Variants in PSTK observed in about 807,000 individuals in gnomAD.
PSTK encodes phosphoseryl-tRNA kinase, also known as L-seryl-tRNA(Sec) kinase.
Under a neutral mutation model 38.6 loss-of-function variants are expected in PSTK, and 26 were observed. The ratio of observed to expected loss-of-function variants is 0.67; its 90% CI spans 0.49 to 0.94. PSTK has a LOEUF of 0.94. Among genes scored for constraint, PSTK ranks in the 40% least tolerant of loss-of-function variants. PSTK has a pLI of 0.00. For missense variants in PSTK, 445 were observed against 436.3 expected (o/e 1.02, Z -0.18); for synonymous variants, 181 against 161.7 (o/e 1.12, Z -0.91).
intron 5 of PSTK, among the ~76,000 whole-genome samples, 198 bp from the exon 6 acceptor site, chr10:122,989,976 T>G (rs1031642642): frequency 1.3e-5 from 2 of 152,252 alleles, no homozygotes; most frequent in African/African-American, 4.8e-5. Context: ...CCTAACAAGT[T>G]ATTTAAATTC....
intron 5 of PSTK, among the ~76,000 whole-genome samples, chr10:122,989,187 G>A (rs1373408036): frequency 7.5e-6 from 1 of 132,754 alleles, no homozygotes; most frequent in Admixed American, 7.6e-5. Context: ...ATGGGGGGCG[G>A]GGGGTGGGCG....
At chr10:122,981,631 A>G (rs1848959416) in intron 1 of PSTK, among the ~76,000 whole-genome samples, 1 of 152,266 alleles carries the variant, frequency 6.6e-6, no homozygotes, top group South Asian at 2.1e-4. Flanking sequence ...TATATATACA[A>G]AAATACAGTA....
At position 122,983,358 on chromosome 10, in the gene PSTK, C is replaced by G; in HGVS notation, c.595C>G (p.Pro199Ala). Residue 199 changes from proline (P) to alanine (A), a missense_variant, in exon 3 of 6, where the codon CCT becomes GCT. By Grantham distance (27) the Pro-to-Ala change is conservative (BLOSUM62 -1). Coordinates refer to ENST00000406217, the MANE Select transcript of PSTK (RefSeq NM_001363531.2). Reference protein sequence around the residue: ...RNGQRPQALPPETIHLMGRKL... With the variant: ...RNGQRPQALPAETIHLMGRKL... ...TGGCCAGAGGCCACAGGCACTGCCT[C>G]CTGAGACCATCCACCTGATGGGAAG... is the stretch of plus-strand genomic sequence containing the variant. 6.2e-7 allele frequency: 1 copy of G among 1,614,216 alleles called. No homozygotes were observed. The highest frequency in any genetic ancestry group is 2.2e-5 in the East Asian group (1 of 44,884).
At position 122,983,254 on chromosome 10, in the gene PSTK, A is replaced by G. The variant is rs889654314; in HGVS notation, c.509-18A>G. The G allele has an allele frequency of 2.5e-6, 4 of 1,583,748 alleles. No individual in the cohort carries two copies. Among genetic ancestry groups the G allele is most frequent in the Non-Finnish European group, 3.4e-6 (4 of 1,163,384 alleles). ...AAAAGAGTATACCAGTAATTCTATC[A>G]TTTTAAACTGTTTTCAGATTCGTTG... On this transcript the variant is annotated intron_variant, in intron 2 of 5. Transcript: ENST00000406217.
In PSTK at chr10:122,982,853, G is replaced by A; in HGVS notation, c.337G>A (p.Asp113Asn). The A allele has an allele frequency of 6.2e-7, 1 of 1,614,228 alleles. No individual in the cohort carries two copies. Among genetic ancestry groups the A allele is most frequent in the East Asian group, 2.2e-5 (1 of 44,884 alleles). Residue 113 changes from aspartate to asparagine, a missense_variant, in exon 2 of 6, where the codon GAT becomes AAT. Asp to Asn is a conservative substitution (Grantham distance 23). Coordinates refer to ENST00000406217, the MANE Select transcript of PSTK (RefSeq NM_001363531.2). ...CAACAGGACTGAAGCCATGTGGGAA[G>A]ATTTTATAACCTGCTTAAAGGATCA... ...PPNRTEAMWE[D>N]FITCLKDQDL...
Position 122,983,004 on chromosome 10 carries a change from T to C in PSTK, c.488T>C (p.Val163Ala). Residue 163 changes from valine to alanine, a missense_variant, in exon 2 of 6, where the codon GTC becomes GCC. By Grantham distance (64) the Val-to-Ala change is moderately conservative (BLOSUM62 0). Coordinates refer to ENST00000406217, the MANE Select transcript of PSTK (RefSeq NM_001363531.2). Reference sequence around the variant, plus strand: ...TATTATCAGAGTATGAGATATGAAGTCTACCAGCTGGCTCGGAAATGTAAT... The same window carrying C: ...TATTATCAGAGTATGAGATATGAAGCCTACCAGCTGGCTCGGAAATGTAAT... ...NFYYQSMRYE[V>A]YQLARKYSLG... 6.2e-7 allele frequency: 1 copy of C among 1,607,904 alleles called. No individual in the cohort carries two copies. The highest frequency in any genetic ancestry group is 1.1e-5 in the South Asian group (1 of 89,950).
chr10:122,989,021 C>G (rs1298900420), intron 5 of PSTK, among the ~76,000 whole-genome samples: 1 of 152,016 alleles, frequency 6.6e-6, no homozygotes, highest in African/African-American at 2.4e-5. Flanking sequence ...GAATGAAATG[C>G]TGATATGTGC....
intron 4 of PSTK, chr10:122,986,586 G>T (rs1047550120): frequency 1.7e-6 from 1 of 601,628 alleles, no homozygotes; most frequent in Non-Finnish European, 2.9e-6. Flanking sequence ...TGGTTTGTTG[G>T]TAGGAATGTT....
intron 5 of PSTK, among the ~76,000 whole-genome samples, chr10:122,988,368 CATACAG>C (rs1486820246): frequency 2.6e-5 from 4 of 151,832 alleles, no homozygotes; most frequent in Admixed American, 2.0e-4. Flanking sequence ...TATTTAAAAA[CATACAG>C]ATAGAGAGAG....
At chr10:122,984,875 T>C (rs1360089875) in intron 3 of PSTK, 1 of 152,190 alleles carries the variant, frequency 6.6e-6, no homozygotes, top group Non-Finnish European at 1.5e-5. Context: ...GGGTAGAAAC[T>C]ACTATCCCCA....
rs1848981488 is a variant in PSTK, at chr10:122,982,809, G to A, written c.293G>A (p.Cys98Tyr). Residue 98 changes from cysteine to tyrosine, a missense_variant, in exon 2 of 6, where the codon TGT (cysteine) becomes TAT (tyrosine). Physicochemically the swap from Cys to Tyr is radical, Grantham distance 194. Coordinates refer to ENST00000406217, the MANE Select transcript of PSTK (RefSeq NM_001363531.2). Reference protein sequence around the residue: ...EYFLMAVINGCQMSVPPNRTE... With the variant: ...EYFLMAVINGYQMSVPPNRTE... ...TTCTTGATGGCTGTCATTAATGGGT[G>A]TCAGATGTCTGTCCCACCCAACAGG... 4 of 1,614,042 alleles carry A rather than the reference G, an allele frequency of 2.5e-6. No individual in the cohort carries two copies. The highest frequency in any genetic ancestry group is 2.7e-5 in the African/African-American group (2 of 74,928).
intron 4 of PSTK, 70 bp from the exon 5 acceptor site, chr10:122,986,799 T>G: frequency 7.2e-6 from 7 of 969,394 alleles, no homozygotes; most frequent in Non-Finnish European, 1.1e-5. Context: ...CAAATACATG[T>G]GACCTATTCT....
intron 5 of PSTK, among the ~76,000 whole-genome samples, chr10:122,988,940 C>A (rs1328836608): frequency 6.6e-6 from 1 of 151,938 alleles, no homozygotes. Context: ...TGAAAATAAC[C>A]CACATGTCCG....
Position 122,990,168 on chromosome 10 carries a change from T to A in PSTK, c.878-6T>A. The A allele has an allele frequency of 6.6e-7, 1 of 1,509,896 alleles. No homozygotes were observed. Among genetic ancestry groups the A allele is most frequent in the Non-Finnish European group, 8.8e-7 (1 of 1,132,260 alleles). The allele number at this position is 1,509,896 out of a possible 1,614,324, so 93.5% of individuals were successfully genotyped here. ...CCAGTAATTTGAGAATATCTTTTTA[T>A]TTTAGATGAACAAGTGCTTCCTCAC... On this transcript the variant is annotated splice_polypyrimidine_tract_variant and splice_region_variant and intron_variant, in intron 5 of 5. Coordinates refer to ENST00000406217, the MANE Select transcript of PSTK (RefSeq NM_001363531.2).
intron 4 of PSTK, among the ~76,000 whole-genome samples, 192 bp from the exon 5 acceptor site, chr10:122,986,677 A>G (rs577074776): frequency 1.3e-5 from 2 of 152,378 alleles, no homozygotes; most frequent in East Asian, 1.9e-4. Flanking sequence ...ATTCACCAGC[A>G]TATCACCGCC....
chr10:122,985,309 G>T, intron 3 of PSTK: 1 of 152,316 alleles, frequency 6.6e-6, no homozygotes. Context: ...CTAAAGCAAA[G>T]AACATTAGTT....
chr10:122,985,075 C>T (rs1310087123), intron 3 of PSTK: 1 of 152,182 alleles, frequency 6.6e-6, no homozygotes, highest in Non-Finnish European at 1.5e-5. Context: ...TTTTTAGTGC[C>T]ACTCCCATAA....
At position 122,980,884 on chromosome 10, in the gene PSTK, G is replaced by A; in HGVS notation, c.216+189G>A. The A allele has an allele frequency of 1.1e-6, 1 of 921,104 alleles. No individual in the cohort carries two copies. The highest frequency in any genetic ancestry group is 1.3e-6 in the Non-Finnish European group (1 of 771,144). 57.1% of individuals were successfully genotyped at this position (921,104 alleles called of 1,614,324 possible). A position where few individuals can be genotyped will look rare whatever the true frequency, so the allele number is the denominator to read the frequency against. On this transcript the variant is annotated intron_variant, in intron 1 of 5. Transcript: ENST00000406217. This position sits in a 1 kb window ranked among gnomAD's most constrained non-coding sequence, Gnocchi z 4.3. ...ACTGCAGAGGGTGAATGCGTTGGCT[G>A]TAGAAAGTGGTTACAAAGCCAACTG...
Position 122,983,359 on chromosome 10 carries a change from C to G in PSTK, c.596C>G (p.Pro199Arg). 6.2e-6 allele frequency: 10 copies of G among 1,614,204 alleles called. No individual in the cohort carries two copies. The highest frequency in any genetic ancestry group is 8.5e-6 in the Non-Finnish European group (10 of 1,179,992). ...GGCCAGAGGCCACAGGCACTGCCTC[C>G]TGAGACCATCCACCTGATGGGAAGA... is the stretch of plus-strand genomic sequence containing the variant. ...RNGQRPQALP[P>R]ETIHLMGRKL... Residue 199 changes from proline to arginine, a missense_variant, in exon 3 of 6, where the codon CCT (proline) becomes CGT (arginine). Physicochemically the swap from Pro to Arg is moderately radical, Grantham distance 103. Coordinates refer to ENST00000406217, the MANE Select transcript of PSTK (RefSeq NM_001363531.2).
Sources: allele counts gnomAD v4.1 joint callset (sites outside exome capture counted in the v4.1 genomes callset), GRCh38; gene constraint gnomAD v4.1.1; non-coding constraint Gnocchi (gnomAD v3.1); transcripts MANE v1.5; gene names NCBI Gene and HGNC (gene_info 2026-07-23, HGNC 2026-07-21).